The following PDE8A variants were observed in gnomAD, a reference collection of about 807,000 sequenced individuals.
The protein encoded by PDE8A is high affinity cAMP-specific and IBMX-insensitive 3',5'-cyclic phosphodiesterase 8A.
Under a neutral mutation model 105.0 loss-of-function variants are expected in PDE8A, and 59 were observed. The observed-to-expected ratio is 0.56, with a 90% CI of 0.46 to 0.70. The LOEUF is 0.70. Among genes scored for constraint, PDE8A ranks in the 30% least tolerant of loss-of-function variants. PDE8A has a pLI of 0.00. For synonymous variants in PDE8A, 355 were observed against 371.9 expected (o/e 0.95, Z 0.52); for missense variants, 1,014 against 1,045.9 (o/e 0.97, Z 0.42).
chr15:85,078,354 T>C (rs1052003744), intron 5 of PDE8A, among the ~76,000 whole-genome samples: 1 of 151,892 alleles, frequency 6.6e-6, no homozygotes, highest in Non-Finnish European at 1.5e-5. Context: ...GAGACCATCC[T>C]GGCCAACATG....
intron 1 of PDE8A, among the ~76,000 whole-genome samples, chr15:85,020,037 G>A (rs528085312): frequency 7.4e-6 from 1 of 135,498 alleles, no homozygotes; most frequent in South Asian, 2.5e-4. Context: ...GGTGGTTGGT[G>A]ATCTACATTA....
In PDE8A at chr15:85,126,330, T is replaced by G; in HGVS notation, c.2209T>G (p.Cys737Gly). Residue 737 changes from cysteine to glycine, a missense_variant, in exon 20 of 22, where the codon TGC becomes GGC. Coordinates refer to ENST00000394553, the MANE Select transcript of PDE8A (RefSeq NM_002605.3). ...CAATCCCTGCCGACCCCTGCAGTAC[T>G]GCATCGAGTGGGCTGCACGCATTTC... ...VSNPCRPLQYCIEWAARISEE... is the reference protein window; with the variant it reads ...VSNPCRPLQYGIEWAARISEE... 6.2e-7 allele frequency: 1 copy of G among 1,607,792 alleles called. No individual in the cohort carries two copies. The highest frequency in any genetic ancestry group is 1.1e-5 in the South Asian group (1 of 89,690).
chr15:85,006,525 A>G (rs2080150473), intron 1 of PDE8A, among the ~76,000 whole-genome samples: 1 of 152,214 alleles, frequency 6.6e-6, no homozygotes, highest in Non-Finnish European at 1.5e-5. Context: ...ATTTGCATTA[A>G]GTTGATTTGA....
chr15:84,993,214 C>G (rs529291209), intron 1 of PDE8A, among the ~76,000 whole-genome samples: 2 of 150,348 alleles, frequency 1.3e-5, no homozygotes, highest in African/African-American at 2.4e-5. Flanking sequence ...GAGGCCAAGG[C>G]GGGCGGATCA....
At chr15:84,981,280 A>T (rs1245392051), upstream of PDE8A, among the ~76,000 whole-genome samples, 1 of 151,852 alleles carries the variant, frequency 6.6e-6, no homozygotes, top group African/African-American at 2.4e-5. Context: ...CGTCCGGAGG[A>T]GGTGGCGGGC....
rs531384572 is a variant in PDE8A, at chr15:85,129,454, G to A, written c.2253+3080G>A. Among the ~76,000 whole-genome samples, 166 of 152,254 alleles carry A rather than the reference G, an allele frequency of 1.1e-3. 1 individual carries two copies. Among genetic ancestry groups the A allele is most frequent in the African/African-American group, 3.7e-3 (155 of 41,528 alleles). The stretch of plus-strand genomic sequence containing the variant: ...TCAGATTCTGTTTCTTTATGATTCA[G>A]TCCTGGTAGGTTGCATGTTTCTAGG... On this transcript the variant is annotated intron_variant, in intron 20 of 21. Transcript: ENST00000394553.
Position 85,064,038 on chromosome 15 carries a change from A to T in PDE8A, c.187-332A>T, listed in dbSNP as rs1039695019. The T allele has an allele frequency of 1.8e-5, 4 of 222,180 alleles. No individual in the cohort carries two copies. In the East Asian group the frequency reaches 4.3e-4, roughly 24 times the overall value. The allele number at this position is 222,180 out of a possible 1,614,324, so 13.8% of individuals were successfully genotyped here. ...TATCTATTATTGGGGGGCTCTCTAT[A>T]TTGTCATCTCATTTGGCCTTTAACA... On this transcript the variant is annotated intron_variant, in intron 1 of 21. Coordinates refer to ENST00000394553, the MANE Select transcript of PDE8A (RefSeq NM_002605.3).
intron 1 of PDE8A, among the ~76,000 whole-genome samples, chr15:85,023,671 G>C (rs1168732238): frequency 1.3e-5 from 2 of 152,216 alleles, no homozygotes; most frequent in African/African-American, 2.4e-5. Context: ...TCATGGGACA[G>C]TTCTGGCTGA....
At chr15:85,049,176 A>G (rs149162471) in intron 1 of PDE8A, among the ~76,000 whole-genome samples, 6 of 152,306 alleles carry the variant, frequency 3.9e-5, no homozygotes, top group African/African-American at 1.4e-4. Context: ...ATTTTAAAAA[A>G]TATGGTAAAA....
At chr15:85,034,871 C>T (rs1376763682) in intron 1 of PDE8A, among the ~76,000 whole-genome samples, 2 of 152,068 alleles carry the variant, frequency 1.3e-5, no homozygotes, top group African/African-American at 4.8e-5. Flanking sequence ...TTAATTTCAT[C>T]ATTTTCATGG....
intron 20 of PDE8A, among the ~76,000 whole-genome samples, 191 bp downstream of exon 20, chr15:85,126,565 G>C (rs1455119424): frequency 6.6e-6 from 1 of 150,872 alleles, no homozygotes; most frequent in East Asian, 1.9e-4. Flanking sequence ...CTTTATTCTT[G>C]CAGGATATTT....
At position 85,137,968 on chromosome 15, in the gene PDE8A, C is replaced by A; in HGVS notation, c.*65C>A. ...GGTCATTTGGAATTCCTGAGGGCAG[C>A]CAGAGCTCCTTGGTCCTTTCAGTAC... On this transcript the variant is annotated 3_prime_UTR_variant, in exon 22 of 22. Transcript: ENST00000394553. 4.0e-6 allele frequency: 4 copies of A among 1,005,184 alleles called. No homozygotes were observed. The highest frequency in any genetic ancestry group is 4.7e-6 in the Non-Finnish European group (3 of 637,392). The allele number at this position is 1,005,184 out of a possible 1,614,324, so 62.3% of individuals were successfully genotyped here.
chr15:85,006,740 G>A (rs1042931033), intron 1 of PDE8A, among the ~76,000 whole-genome samples: 1 of 151,640 alleles, frequency 6.6e-6, no homozygotes, highest in African/African-American at 2.4e-5. Context: ...CTTACCCCTG[G>A]TAAACATTTT....
intron 1 of PDE8A, among the ~76,000 whole-genome samples, chr15:85,003,771 C>T (rs1248164438): frequency 6.6e-6 from 1 of 152,104 alleles, no homozygotes; most frequent in African/African-American, 2.4e-5. Context: ...TGTAGCCTGC[C>T]TAAGAGATAT....
intron 5 of PDE8A, among the ~76,000 whole-genome samples, chr15:85,082,728 T>C (rs1214779096): frequency 2.0e-5 from 3 of 152,238 alleles, no homozygotes; most frequent in Non-Finnish European, 4.4e-5. Context: ...CCACTTATTG[T>C]GCAGGTAAAA....
At chr15:85,045,039 A>G (rs1207291110) in intron 1 of PDE8A, among the ~76,000 whole-genome samples, 1 of 151,802 alleles carries the variant, frequency 6.6e-6, no homozygotes, top group African/African-American at 2.4e-5. Context: ...GTCCCACCTT[A>G]TTTCCACTGT....
chr15:85,064,459 C>T, intron 2 of PDE8A, 33 bp downstream of exon 2: 1 of 1,456,962 alleles, frequency 6.9e-7, no homozygotes, highest in Non-Finnish European at 9.6e-7. Flanking sequence ...TTTTCACATG[C>T]TGATTTTCTT....
In PDE8A at chr15:85,111,674, C is replaced by T. The variant is rs150708662; in HGVS notation, c.1115-1703C>T. ...TGCCTTGGCCGTTCTAGGTCCTTTG[C>T]ATTTCCATGTGACGCTTAGAATGAG... On this transcript the variant is annotated intron_variant, in intron 12 of 21. Transcript: ENST00000394553. Among the ~76,000 whole-genome samples, 440 of 152,298 alleles carry T rather than the reference C, an allele frequency of 2.9e-3. 4 individuals are homozygous for T. The highest frequency in any genetic ancestry group is 0.015 in the South Asian group (74 of 4,826).
At chr15:85,109,014 AAT>A (rs1475246304) in intron 11 of PDE8A, 37 bp from the exon 12 acceptor site, 1 of 1,382,856 alleles carries the variant, frequency 7.2e-7, no homozygotes, top group East Asian at 2.3e-5. Context: ...ATGTTGTTTA[AAT>A]ATCTTTGAAG....
Sources: gnomAD v4.1 joint callset for allele counts (sites outside exome capture counted in the v4.1 genomes callset) on GRCh38, gnomAD v4.1.1 for gene constraint, MANE v1.5 for transcripts, NCBI Gene and HGNC (gene_info 2026-07-23, HGNC 2026-07-21) for gene names.